The following VTI1A variants were observed in gnomAD, a reference collection of about 807,000 sequenced individuals.
The protein encoded by VTI1A is vesicle transport through interaction with t-SNAREs homolog 1A.
Under a neutral mutation model 34.9 loss-of-function variants are expected in VTI1A, and 22 were observed. The observed-to-expected ratio is 0.63, with a 90% CI of 0.45 to 0.90. The LOEUF is 0.90. Ranked by LOEUF, VTI1A falls within the 40% of genes least tolerant of loss-of-function variation. The probability of loss-of-function intolerance (pLI) is 0.00; values close to 1 mark genes in which losing one functional copy is unlikely to be tolerated. For missense variants in VTI1A, 268 were observed against 275.6 expected, an observed-to-expected ratio of 0.97 and a Z score of 0.20; for synonymous variants, 87 against 97.3, an observed-to-expected ratio of 0.89 and a Z score of 0.62.
intron 3 of VTI1A, among the ~76,000 whole-genome samples, chr10:112,500,327 C>T (rs957677996): frequency 1.3e-5 from 2 of 151,618 alleles, no homozygotes; most frequent in African/African-American, 2.4e-5. Context: ...CACAGCAAGT[C>T]GGGAGGCTGA....
intron 3 of VTI1A, among the ~76,000 whole-genome samples, chr10:112,470,194 T>A (rs1848030213): frequency 1.3e-5 from 2 of 152,214 alleles, no homozygotes; most frequent in Admixed American, 1.3e-4. Context: ...ATTTAATGTT[T>A]CTTAATTCCT....
intron 5 of VTI1A, among the ~76,000 whole-genome samples, chr10:112,597,032 T>G (rs1844672839): frequency 6.6e-6 from 1 of 152,182 alleles, no homozygotes; most frequent in African/African-American, 2.4e-5. Context: ...AAGAAGCTTA[T>G]TTTTTCTTCT....
intron 7 of VTI1A, among the ~76,000 whole-genome samples, chr10:112,803,765 C>G (rs1344250537): frequency 6.6e-6 from 1 of 152,054 alleles, no homozygotes; most frequent in African/African-American, 2.4e-5. Flanking sequence ...GACCCTGTCT[C>G]TAAAAAAAAT....
At chr10:112,572,786 C>T (rs1440826785) in intron 5 of VTI1A, among the ~76,000 whole-genome samples, 2 of 150,894 alleles carry the variant, frequency 1.3e-5, no homozygotes, top group African/African-American at 4.9e-5. Flanking sequence ...TTGCAGTGAG[C>T]CGAGATCGCG....
the VTI1A span, chr10:112,831,709 A>G: frequency 5.3e-5 from 8 of 152,302 alleles, no homozygotes; most frequent in Admixed American, 2.0e-4. Flanking sequence ...TTCCCTTACA[A>G]TGACTCTTGG....
intron 7 of VTI1A, among the ~76,000 whole-genome samples, chr10:112,790,329 T>C (rs1261355148): frequency 1.3e-5 from 2 of 152,216 alleles, no homozygotes; most frequent in Non-Finnish European, 2.9e-5. Context: ...TGGCTTTGGC[T>C]TCTCACTGGT....
chr10:112,610,750 A>G (rs943546401), intron 5 of VTI1A, among the ~76,000 whole-genome samples: 35 of 151,948 alleles, frequency 2.3e-4, no homozygotes, highest in Admixed American at 3.9e-4. Context: ...CCCCGTCTCT[A>G]CTAAAAATAC....
chr10:112,742,201 C>T (rs1017577846), intron 7 of VTI1A, among the ~76,000 whole-genome samples: 3 of 152,216 alleles, frequency 2.0e-5, no homozygotes, highest in African/African-American at 7.2e-5. Flanking sequence ...GGCTAACTGG[C>T]ACGTTAAGTT....
At chr10:112,733,611 A>G (rs1850347206) in intron 7 of VTI1A, among the ~76,000 whole-genome samples, 1 of 152,188 alleles carries the variant, frequency 6.6e-6, no homozygotes, top group African/African-American at 2.4e-5. Context: ...ATCATCATCT[A>G]TGGAAGTCTG....
chr10:112,468,802 C>G (rs1418522264), intron 3 of VTI1A, among the ~76,000 whole-genome samples: 1 of 152,080 alleles, frequency 6.6e-6, no homozygotes, highest in Non-Finnish European at 1.5e-5. Flanking sequence ...ACTATTTATC[C>G]CAGAGTCTTT....
At chr10:112,850,770 A>C in the VTI1A span, among the ~76,000 whole-genome samples, 3 of 152,216 alleles carry the variant, frequency 2.0e-5, no homozygotes, top group Non-Finnish European at 4.4e-5. Context: ...TTGTTCAAAA[A>C]CAACTAAAAC....
intron 3 of VTI1A, among the ~76,000 whole-genome samples, chr10:112,468,666 T>C (rs184141262): frequency 1.3e-5 from 2 of 152,318 alleles, no homozygotes; most frequent in East Asian, 3.9e-4. Context: ...CCTTCAGGCT[T>C]CCTCAGTACT....
At chr10:112,712,404 G>A (rs118075887) in intron 7 of VTI1A, among the ~76,000 whole-genome samples, 20 of 151,142 alleles carry the variant, frequency 1.3e-4, no homozygotes, top group Non-Finnish European at 2.4e-4. Context: ...TCTCTGCTAG[G>A]CCCACAATAG....
rs533153383 is a variant in VTI1A at position 112,596,117 on chromosome 10, A to G, written c.427+57787A>G. 4.7e-5 allele frequency among the ~76,000 whole-genome samples: 7 copies of G among 149,916 alleles called. No homozygotes were observed. The East Asian group carries it at 9.9e-4, about 21-fold the overall frequency. On this transcript the variant is annotated intron_variant, in intron 5 of 7. Transcript: ENST00000393077. ...CATAGGTGGGAATTGAACAATGAGA[A>G]CACATGGACACAGGAAGGGGAACAT...
intron 7 of VTI1A, among the ~76,000 whole-genome samples, chr10:112,696,220 A>G (rs1443093583): frequency 6.6e-6 from 1 of 151,968 alleles, no homozygotes; most frequent in East Asian, 1.9e-4. Context: ...ATGTGTTTGC[A>G]TGCTTGTTTG....
intron 7 of VTI1A, among the ~76,000 whole-genome samples, chr10:112,673,778 A>T (rs2133846109): frequency 6.6e-6 from 1 of 152,366 alleles, no homozygotes; most frequent in South Asian, 2.1e-4. Context: ...CAGGTAAAAC[A>T]TCTGGAAAGC....
intron 5 of VTI1A, among the ~76,000 whole-genome samples, chr10:112,565,697 G>A (rs1851885264): frequency 6.6e-6 from 1 of 152,186 alleles, no homozygotes; most frequent in Non-Finnish European, 1.5e-5. Flanking sequence ...GCTGCCAGTA[G>A]TACATGGAAA....
At chr10:112,799,444 G>T (rs1852794774) in intron 7 of VTI1A, among the ~76,000 whole-genome samples, 1 of 152,222 alleles carries the variant, frequency 6.6e-6, no homozygotes, top group Non-Finnish European at 1.5e-5. Flanking sequence ...TGGTAAATCA[G>T]AAGGTCTCAG....
At chr10:112,755,920 G>A (rs1447107684) in intron 7 of VTI1A, among the ~76,000 whole-genome samples, 1 of 152,116 alleles carries the variant, frequency 6.6e-6, no homozygotes, top group African/African-American at 2.4e-5. Context: ...GAGATGATCT[G>A]ATTGGCCCAA....
Sources: gnomAD v4.1 joint callset for allele counts (sites outside exome capture counted in the v4.1 genomes callset) on GRCh38, gnomAD v4.1.1 for gene constraint, MANE v1.5 for transcripts, NCBI Gene and HGNC (gene_info 2026-07-23, HGNC 2026-07-21) for gene names.